Variants in RIC3 observed in about 807,000 individuals in gnomAD.
The protein encoded by RIC3 is protein RIC-3.
RIC3 carries 28 observed loss-of-function variants against 27.3 expected under a neutral mutation model. That is an observed-to-expected ratio of 1.02 (90% CI 0.76 to 1.41). RIC3 has a LOEUF of 1.41. Ranked by LOEUF, RIC3 falls within the 40% of genes most tolerant of loss-of-function variation. The probability of loss-of-function intolerance (pLI) is 0.00; values close to 1 mark genes in which losing one functional copy is unlikely to be tolerated. For missense variants in RIC3, 501 were observed against 444.7 expected (o/e 1.13, Z -1.14); for synonymous variants, 184 against 160.4 (o/e 1.15, Z -1.11).
intron 5 of RIC3, among the ~76,000 whole-genome samples, chr11:8,126,330 A>G (rs1946987308): frequency 1.3e-5 from 2 of 152,212 alleles, no homozygotes; most frequent in Non-Finnish European, 2.9e-5. Context: ...TAAATCAAAG[A>G]AGCCAATGAG....
intron 1 of RIC3, among the ~76,000 whole-genome samples, chr11:8,158,281 A>G (rs1351011247): frequency 6.6e-6 from 1 of 152,168 alleles, no homozygotes; most frequent in Non-Finnish European, 1.5e-5. Flanking sequence ...GGTCTGTGCT[A>G]TTCCACAGGA....
intron 5 of RIC3, among the ~76,000 whole-genome samples, chr11:8,114,545 C>T (rs1590076227): frequency 1.3e-5 from 2 of 150,634 alleles, no homozygotes; most frequent in South Asian, 4.2e-4. Flanking sequence ...GGCAGAGGTT[C>T]CAGTGAGCCA....
At chr11:8,097,963 C>T in the RIC3 span, 3 of 681,604 alleles carry the variant, frequency 4.4e-6, no homozygotes, top group Admixed American at 2.8e-5. Flanking sequence ...CTGATAATCA[C>T]ATCCAACTGG....
intron 5 of RIC3, among the ~76,000 whole-genome samples, chr11:8,117,794 A>T (rs756100441): frequency 3.3e-5 from 5 of 152,112 alleles, no homozygotes; most frequent in Non-Finnish European, 4.4e-5. Context: ...AAACATCAAT[A>T]TATATAATTT....
chr11:8,097,612 T>C, the RIC3 span: 1 of 1,305,686 alleles, frequency 7.7e-7, no homozygotes, highest in East Asian at 2.3e-5. Flanking sequence ...CATATGTGCG[T>C]TTGGGAGCTG....
chr11:8,136,855 A>T (rs1461054835), intron 4 of RIC3, among the ~76,000 whole-genome samples: 6 of 152,210 alleles, frequency 3.9e-5, no homozygotes, highest in Non-Finnish European at 2.9e-5. Flanking sequence ...CTTTCACAAT[A>T]ATTTGCACAT....
chr11:8,161,402 T>C (rs1951148377), intron 1 of RIC3, among the ~76,000 whole-genome samples: 1 of 152,230 alleles, frequency 6.6e-6, no homozygotes, highest in Admixed American at 6.5e-5. Context: ...CATCTATCCC[T>C]TCACCTAAAC....
At chr11:8,115,765 A>C (rs1274076980) in intron 5 of RIC3, among the ~76,000 whole-genome samples, 1 of 152,230 alleles carries the variant, frequency 6.6e-6, no homozygotes, top group East Asian at 1.9e-4. Context: ...AATAAAATGA[A>C]AAGATGTCCC....
chr11:8,108,142 C>A lies in RIC3; in HGVS notation c.*2556G>T, dbSNP rs1475766481. On this transcript the variant is annotated 3_prime_UTR_variant, in exon 6 of 6. Transcript: ENST00000309737. ...AGGGCAGGAAGAACCACCATAAGGG[C>A]TTAGTACTTCTGGCAGGAATTTCCA... The A allele has an allele frequency of 6.6e-6, 1 of 152,198 alleles. No homozygotes were observed. Among genetic ancestry groups the A allele is most frequent in the African/African-American group, 2.4e-5 (1 of 41,436 alleles). 9.4% of individuals were successfully genotyped at this position (152,198 alleles called of 1,614,324 possible).
At chr11:8,126,969 T>A in intron 4 of RIC3, 162 bp from the exon 5 acceptor site, 1 of 796,440 alleles carries the variant, frequency 1.3e-6, no homozygotes, top group East Asian at 2.7e-5. Flanking sequence ...GAACTAGAGA[T>A]GTTAGTTCAA....
intron 4 of RIC3, among the ~76,000 whole-genome samples, chr11:8,134,010 T>C (rs1948061882): frequency 1.3e-5 from 2 of 151,882 alleles, no homozygotes; most frequent in South Asian, 4.2e-4. Flanking sequence ...ATATTTTTTA[T>C]TATACTTTAA....
At chr11:8,101,010 G>A in the RIC3 span, 2 of 1,614,002 alleles carry the variant, frequency 1.2e-6, no homozygotes, top group Non-Finnish European at 1.7e-6. Context: ...GAGTGTTTCT[G>A]TCCCTACTCA....
chr11:8,150,381 C>A (rs1950108060), intron 1 of RIC3, among the ~76,000 whole-genome samples: 1 of 152,152 alleles, frequency 6.6e-6, no homozygotes, highest in African/African-American at 2.4e-5. Context: ...GAGGAGTTGT[C>A]AGAAAACTCC....
At chr11:8,164,027 G>C (rs1375604564) in intron 1 of RIC3, among the ~76,000 whole-genome samples, 2 of 152,138 alleles carry the variant, frequency 1.3e-5, no homozygotes, top group African/African-American at 2.4e-5. Context: ...ATAATTGAGA[G>C]TCCAGAAACA....
chr11:8,093,771 C>T, the RIC3 span, among the ~76,000 whole-genome samples: 8 of 152,206 alleles, frequency 5.3e-5, no homozygotes, highest in Non-Finnish European at 7.3e-5. Context: ...CTTTTGAGTG[C>T]GCACTTTGTT....
chr11:8,097,458 C>T, the RIC3 span: 3 of 1,613,122 alleles, frequency 1.9e-6, no homozygotes, highest in South Asian at 3.3e-5. Flanking sequence ...ATCATCTAGG[C>T]TTTACAGCCC....
chr11:8,099,560 T>C, the RIC3 span, among the ~76,000 whole-genome samples: 151,371 of 152,306 alleles, frequency 0.99, 75,232 homozygotes, highest in Middle Eastern at 1. Flanking sequence ...ACTAAGCATA[T>C]TGTTTGAGGC....
Position 8,140,208 on chromosome 11 carries a change from A to G in RIC3, c.125-15T>C, listed in dbSNP as rs1465668646. ...GCCCAATTTTCCTGAGAAAATAATA[A>G]TCACTTTTTATCTCTTCTACTATTT... On this transcript the variant is annotated splice_polypyrimidine_tract_variant and intron_variant, in intron 1 of 5. Coordinates refer to ENST00000309737, the MANE Select transcript of RIC3 (RefSeq NM_001206671.4). The G allele has an allele frequency of 6.2e-7, 1 of 1,602,680 alleles. No individual in the cohort carries two copies. The highest frequency in any genetic ancestry group is 8.5e-7 in the Non-Finnish European group (1 of 1,172,422).
chr11:8,144,868 A>G (rs1949499606), intron 1 of RIC3, among the ~76,000 whole-genome samples: 1 of 151,884 alleles, frequency 6.6e-6, no homozygotes, highest in Non-Finnish European at 1.5e-5. Context: ...TGAAGAGTTC[A>G]TGTCCTTTGT....
Sources: gnomAD v4.1 joint callset for allele counts (sites outside exome capture counted in the v4.1 genomes callset) on GRCh38, gnomAD v4.1.1 for gene constraint, MANE v1.5 for transcripts, NCBI Gene and HGNC (gene_info 2026-07-23, HGNC 2026-07-21) for gene names.